The following ERBIN variants were observed in gnomAD, a reference collection of about 807,000 sequenced individuals.
ERBIN encodes densin-180-like protein.
A neutral mutation model predicts 158.4 loss-of-function variants in ERBIN; 60 were observed. The ratio of observed to expected loss-of-function variants is 0.38; its 90% confidence interval spans 0.31 to 0.47. The LOEUF (loss-of-function observed/expected upper bound fraction) is 0.47. Among genes scored for constraint, ERBIN ranks in the 20% least tolerant of loss-of-function variants. The pLI, the probability that ERBIN is intolerant of heterozygous loss-of-function variation, is 0.99. For missense variants in ERBIN, 1,610 were observed against 1,648.0 expected (o/e 0.98, Z 0.40); for synonymous variants, 594 against 557.2 (o/e 1.07, Z -0.93).
At chr5:66,065,373 T>G (rs1375191959) in intron 21 of ERBIN, among the ~76,000 whole-genome samples, 1 of 152,210 alleles carries the variant, frequency 6.6e-6, no homozygotes, top group Non-Finnish European at 1.5e-5. Flanking sequence ...TTAAGATTTC[T>G]TCACCATCTT....
At chr5:66,024,090 A>G (rs1257210378) in intron 9 of ERBIN, among the ~76,000 whole-genome samples, 5 of 152,182 alleles carry the variant, frequency 3.3e-5, no homozygotes, top group African/African-American at 1.2e-4. Context: ...CCCAAAGAAT[A>G]TGTCCTTTGT....
intron 14 of ERBIN, among the ~76,000 whole-genome samples, chr5:66,033,145 T>C (rs1000014037): frequency 1.3e-5 from 2 of 152,188 alleles, no homozygotes; most frequent in Non-Finnish European, 2.9e-5. Context: ...CCTGAAGGCT[T>C]CATTTTCTTT....
chr5:65,928,615 A>AT (rs916784566), intron 1 of ERBIN, among the ~76,000 whole-genome samples: 2 of 152,054 alleles, frequency 1.3e-5, no homozygotes, highest in East Asian at 1.9e-4. Flanking sequence ...TTAGTTCTTG[A>AT]TTTTTTTTCT....
intron 1 of ERBIN, among the ~76,000 whole-genome samples, chr5:65,947,216 A>T (rs1182851788): frequency 6.6e-6 from 1 of 152,008 alleles, no homozygotes; most frequent in African/African-American, 2.4e-5. Context: ...TGAAAGTTTT[A>T]TAGTTTTGCA....
At chr5:65,931,750 T>C (rs1743415897) in intron 1 of ERBIN, among the ~76,000 whole-genome samples, 1 of 152,048 alleles carries the variant, frequency 6.6e-6, no homozygotes, top group Non-Finnish European at 1.5e-5. Context: ...GGCTAAAGTA[T>C]ATGAAGAAAA....
chr5:65,948,644 A>G (rs1323298164), intron 1 of ERBIN, among the ~76,000 whole-genome samples: 1 of 151,828 alleles, frequency 6.6e-6, no homozygotes, highest in African/African-American at 2.4e-5. Flanking sequence ...TGGAAACAGT[A>G]TTGCTTACAT....
chr5:66,056,429 G>A (rs1759579643), intron 21 of ERBIN, among the ~76,000 whole-genome samples: 1 of 152,084 alleles, frequency 6.6e-6, no homozygotes, highest in Non-Finnish European at 1.5e-5. Context: ...TATGTTCTGT[G>A]TAGTTTTCAT....
Position 66,050,850 on chromosome 5 carries a change from T to C in ERBIN, c.1971T>C (p.Asn657=). The change falls in exon 20 of 26, where the codon AAT becomes AAC. Residue 657 remains asparagine, a synonymous_variant. Transcript: ENST00000284037. ...ACAATAGCAATCAGAATAACAGCAA[T>C]TGTTCTTCTCCATCTCGGATGTCTG... ...VTHNSNQNNS[N]CSSPSRMSDS... 2.5e-6 allele frequency: 4 copies of C among 1,602,140 alleles called. No homozygotes were observed. Among genetic ancestry groups the C allele is most frequent in the Non-Finnish European group, 3.4e-6 (4 of 1,175,062 alleles).
chr5:66,009,557 A>G (rs1411604826), intron 4 of ERBIN, among the ~76,000 whole-genome samples: 1 of 152,220 alleles, frequency 6.6e-6, no homozygotes, highest in Non-Finnish European at 1.5e-5. Flanking sequence ...TGCATAATTG[A>G]ACTCTTTGGA....
At chr5:65,940,196 G>A (rs1252117150) in intron 1 of ERBIN, among the ~76,000 whole-genome samples, 6 of 149,242 alleles carry the variant, frequency 4.0e-5, no homozygotes, top group African/African-American at 1.2e-4. Context: ...CCTCTGCCCC[G>A]CCGCCCCGTC....
At chr5:65,965,559 C>CATGCCTGTCTA (rs58300091) in intron 1 of ERBIN, among the ~76,000 whole-genome samples, 1 of 151,530 alleles carries the variant, frequency 6.6e-6, no homozygotes, top group African/African-American at 2.4e-5. Context: ...CATGTGCTAC[C>CATGCCTGTCTA]ATTTTTGTAT....
chr5:66,072,370 C>G, intron 22 of ERBIN, 79 bp downstream of exon 22: 1 of 1,368,082 alleles, frequency 7.3e-7, no homozygotes. Flanking sequence ...ATTATATGTG[C>G]TTTAGATGAA....
chr5:65,947,255 A>G lies in ERBIN; in HGVS notation c.-58+20449A>G, dbSNP rs1745882239. 2.0e-5 allele frequency among the ~76,000 whole-genome samples: 3 copies of G among 152,034 alleles called. No individual in the cohort carries two copies. The South Asian group carries it at 6.2e-4, about 32-fold the overall frequency. ...CCCTCTGTGATCCATTTTTTTTGAG[A>G]TGGAGCCTCTGTCATCCAGGCTGGA... On this transcript the variant is annotated intron_variant, in intron 1 of 25. Coordinates refer to ENST00000284037, the MANE Select transcript of ERBIN (RefSeq NM_001253697.2).
At chr5:65,952,214 C>G (rs1746591161) in intron 1 of ERBIN, among the ~76,000 whole-genome samples, 1 of 151,952 alleles carries the variant, frequency 6.6e-6, no homozygotes, top group Admixed American at 6.6e-5. Context: ...CCCCAACTTT[C>G]AGACCCGTTC....
At chr5:66,036,164 G>A (rs898003389) in intron 14 of ERBIN, among the ~76,000 whole-genome samples, 2 of 152,072 alleles carry the variant, frequency 1.3e-5, no homozygotes, top group Non-Finnish European at 2.9e-5. Context: ...CAGTGCTTTC[G>A]AACAGTGCTG....
chr5:66,069,068 C>A, intron 21 of ERBIN: 2 of 1,403,488 alleles, frequency 1.4e-6, no homozygotes, highest in South Asian at 1.6e-5. Context: ...GAAGAGAAAA[C>A]CCCAAATTTT....
At chr5:65,992,350 C>CT (rs796524099) in intron 2 of ERBIN, among the ~76,000 whole-genome samples, 2 of 152,158 alleles carry the variant, frequency 1.3e-5, no homozygotes, top group African/African-American at 4.8e-5. Context: ...GGGTTTCACT[C>CT]TGTTAGCCGG....
intron 1 of ERBIN, among the ~76,000 whole-genome samples, chr5:65,957,753 G>GC (rs1295928108): frequency 1.3e-5 from 2 of 152,262 alleles, no homozygotes; most frequent in Admixed American, 1.3e-4. Flanking sequence ...TGGGGTGGAG[G>GC]CCGGGCAGAG....
At chr5:65,964,163 A>C (rs1748264457) in intron 1 of ERBIN, among the ~76,000 whole-genome samples, 1 of 152,210 alleles carries the variant, frequency 6.6e-6, no homozygotes, top group South Asian at 2.1e-4. Flanking sequence ...AGATGGATTT[A>C]GGTGAAGGTT....
Sources: allele counts gnomAD v4.1 joint callset (sites outside exome capture counted in the v4.1 genomes callset), GRCh38; gene constraint gnomAD v4.1.1; transcripts MANE v1.5; gene names NCBI Gene and HGNC (gene_info 2026-07-23, HGNC 2026-07-21).